The following BCAS3 variants were observed in gnomAD, a reference collection of about 807,000 sequenced individuals.
BCAS3 encodes the protein BCAS3 microtubule associated cell migration factor.
In BCAS3, 53 loss-of-function variants were observed where a neutral mutation model predicts 116.1. The observed-to-expected ratio is 0.46, with a 90% CI of 0.37 to 0.57. The LOEUF is 0.57. BCAS3 is among the 20% of genes least tolerant of loss of function. BCAS3 has a pLI of 0.00. For synonymous variants in BCAS3, 391 were observed against 408.2 expected (o/e 0.96, Z 0.51); for missense variants, 917 against 1,165.4 (o/e 0.79, Z 3.10).
chr17:60,770,856 T>C (rs1489017417), intron 6 of BCAS3, among the ~76,000 whole-genome samples: 3 of 100,858 alleles, frequency 3.0e-5, no homozygotes, highest in African/African-American at 7.0e-5. Flanking sequence ...TTTTTTTTTT[T>C]TTTTTTTTTG....
In BCAS3 at chr17:61,131,958, G is replaced by C. The variant is rs1292730947; in HGVS notation, c.2425+47394G>C. Among the ~76,000 whole-genome samples the C allele has an allele frequency of 6.6e-6, 1 of 152,036 alleles. No individual in the cohort carries two copies. Among genetic ancestry groups the C allele is most frequent in the Non-Finnish European group, 1.5e-5 (1 of 68,010 alleles). On this transcript the variant is annotated intron_variant, in intron 22 of 23. Transcript: ENST00000407086. The surrounding 1 kb of genome is among the most constrained non-coding windows in gnomAD (Gnocchi z 4.4). ...TGGAAACATTTTTCTTTTCCTCTTGGGTGTTCTAATTCTCACTTGTTAACT... is the reference window on the plus strand; with the variant it reads ...TGGAAACATTTTTCTTTTCCTCTTGCGTGTTCTAATTCTCACTTGTTAACT...
In BCAS3 at chr17:61,106,851, A is replaced by C. The variant is rs1433442181; in HGVS notation, c.2425+22287A>C. Among the ~76,000 whole-genome samples the C allele has an allele frequency of 3.3e-5, 5 of 152,182 alleles. No individual in the cohort carries two copies. The highest frequency in any genetic ancestry group is 7.4e-5 in the Non-Finnish European group (5 of 68,022). ...TTACCATACTAATTTAGAATAAATA[A>C]ATTCCTATATATAAATCTTTGTTGT... On this transcript the variant is annotated intron_variant, in intron 22 of 23. Transcript: ENST00000407086. The surrounding 1 kb of genome is among the most constrained non-coding windows in gnomAD (Gnocchi z 4.2).
At chr17:61,255,372 C>T (rs2048701755) in intron 22 of BCAS3, among the ~76,000 whole-genome samples, 1 of 152,242 alleles carries the variant, frequency 6.6e-6, no homozygotes, top group Admixed American at 6.5e-5. Context: ...CCCTTACAGC[C>T]TCCAGATCTC....
intron 22 of BCAS3, among the ~76,000 whole-genome samples, chr17:61,232,290 G>A (rs956656413): frequency 6.6e-6 from 1 of 151,510 alleles, no homozygotes; most frequent in East Asian, 1.9e-4. Flanking sequence ...GTTAATCTGT[G>A]TAGTGTGCTT....
intron 5 of BCAS3, among the ~76,000 whole-genome samples, chr17:60,725,991 G>T (rs1212921193): frequency 3.3e-5 from 5 of 152,144 alleles, no homozygotes; most frequent in African/African-American, 1.2e-4. Flanking sequence ...CACCTCCTGA[G>T]TTCAAGCGAT....
At chr17:60,705,570 A>AAGATG (rs1235675696) in intron 4 of BCAS3, among the ~76,000 whole-genome samples, 1 of 152,062 alleles carries the variant, frequency 6.6e-6, no homozygotes, top group Non-Finnish European at 1.5e-5. Context: ...TATGGCAAAA[A>AAGATG]AGATGAGATG....
chr17:61,086,713 C>T (rs571972715), intron 22 of BCAS3: 1 of 985,244 alleles, frequency 1.0e-6, no homozygotes, highest in East Asian at 1.1e-4. Context: ...GTTTTCATTC[C>T]AGGAAGCCAT....
At chr17:60,846,225 C>T (rs1459761566) in intron 7 of BCAS3, among the ~76,000 whole-genome samples, 1 of 152,186 alleles carries the variant, frequency 6.6e-6, no homozygotes, top group African/African-American at 2.4e-5. Context: ...CCACCACACC[C>T]AGCCCCATTC....
rs200909422 is a variant in BCAS3 at position 61,078,575 on chromosome 17, T to C, written c.2327+46T>C. 1.7e-4 allele frequency: 257 copies of C among 1,506,792 alleles called. 4 individuals carry two copies. In the Admixed American group the frequency reaches 4.5e-3, roughly 27 times the overall value. 93.3% of individuals were successfully genotyped at this position (1,506,792 alleles called of 1,614,324 possible). A position where few individuals can be genotyped will look rare whatever the true frequency, so the allele number is the denominator to read the frequency against. Reference sequence around the variant, plus strand: ...AGTGATTTGAACAAAAGGATTAATATGTTCGTGTGAAATGAGCATCATATG... The same window carrying C: ...AGTGATTTGAACAAAAGGATTAATACGTTCGTGTGAAATGAGCATCATATG... On this transcript the variant is annotated intron_variant, in intron 21 of 23. Coordinates refer to ENST00000407086, the MANE Select transcript of BCAS3 (RefSeq NM_017679.5).
intron 23 of BCAS3, among the ~76,000 whole-genome samples, chr17:61,375,246 G>GTGCGCGCGCGCACA (rs1555861734): frequency 3.6e-4 from 54 of 150,778 alleles, no homozygotes; most frequent in African/African-American, 1.2e-3. Flanking sequence ...GTGTGTGTGT[G>GTGCGCGCGCGCACA]TGTGTGTGTA....
chr17:60,986,404 C>T (rs2063144520), intron 14 of BCAS3, among the ~76,000 whole-genome samples: 1 of 152,134 alleles, frequency 6.6e-6, no homozygotes, highest in Admixed American at 6.5e-5. Flanking sequence ...GTAGTTTTTT[C>T]AGGAACCTCC....
At chr17:60,940,761 A>T (rs2060181969) in intron 13 of BCAS3, among the ~76,000 whole-genome samples, 2 of 152,212 alleles carry the variant, frequency 1.3e-5, no homozygotes, top group Non-Finnish European at 2.9e-5. Context: ...ATTCAGCATA[A>T]TCATGTTTAT....
chr17:60,857,794 T>C (rs897060739), intron 7 of BCAS3, among the ~76,000 whole-genome samples: 1 of 152,226 alleles, frequency 6.6e-6, no homozygotes. Flanking sequence ...ACCCTTATTT[T>C]AAAGAATTAT....
At chr17:61,055,575 G>A (rs950070315) in intron 19 of BCAS3, among the ~76,000 whole-genome samples, 1 of 152,122 alleles carries the variant, frequency 6.6e-6, no homozygotes, top group Non-Finnish European at 1.5e-5. Flanking sequence ...TATTCAGTGT[G>A]CTTTTCTGAC....
intron 8 of BCAS3, among the ~76,000 whole-genome samples, chr17:60,871,993 A>C (rs984544232): frequency 6.6e-5 from 10 of 151,964 alleles, no homozygotes; most frequent in African/African-American, 2.4e-4. Context: ...TATGGTTATT[A>C]TGACCCTTTA....
intron 4 of BCAS3, among the ~76,000 whole-genome samples, 179 bp downstream of exon 4, chr17:60,689,940 G>A (rs2034590274): frequency 6.6e-6 from 1 of 152,112 alleles, no homozygotes; most frequent in African/African-American, 2.4e-5. Flanking sequence ...TGTGTAATAA[G>A]CCTTAAAGTA....
chr17:60,723,333 T>G (rs2039451926), intron 5 of BCAS3, among the ~76,000 whole-genome samples: 1 of 152,106 alleles, frequency 6.6e-6, no homozygotes, highest in African/African-American at 2.4e-5. Flanking sequence ...CAAGCAATTC[T>G]TCTGCCTCAG....
intron 15 of BCAS3, among the ~76,000 whole-genome samples, chr17:61,003,130 G>A (rs1318989794): frequency 6.6e-6 from 1 of 151,322 alleles, no homozygotes; most frequent in African/African-American, 2.4e-5. Flanking sequence ...CTTGAATAAT[G>A]TATCTTCTAC....
intron 22 of BCAS3, among the ~76,000 whole-genome samples, chr17:61,187,541 A>G (rs1325740834): frequency 6.6e-6 from 1 of 152,244 alleles, no homozygotes; most frequent in Non-Finnish European, 1.5e-5. Flanking sequence ...CATAATAAAT[A>G]AATAGAATTT....
Sources: gnomAD v4.1 joint callset for allele counts (sites outside exome capture counted in the v4.1 genomes callset) on GRCh38, gnomAD v4.1.1 for gene constraint, Gnocchi (gnomAD v3.1) non-coding constraint, MANE v1.5 for transcripts, NCBI Gene and HGNC (gene_info 2026-07-23, HGNC 2026-07-21) for gene names.